Variants in MGAT4C observed in about 807,000 individuals in gnomAD.
The protein encoded by MGAT4C is MGAT4 family member C.
A neutral mutation model predicts 40.1 loss-of-function variants in MGAT4C; 19 were observed. The observed-to-expected ratio is 0.47, with a 90% CI of 0.33 to 0.70. The LOEUF (loss-of-function observed/expected upper bound fraction) is 0.70, where lower values mean the gene tolerates loss of function less well. Ranked by LOEUF, MGAT4C falls within the 30% of genes least tolerant of loss-of-function variation. The pLI, the probability that MGAT4C is intolerant of heterozygous loss-of-function variation, is 0.02. For missense variants in MGAT4C, 491 were observed against 563.2 expected, an observed-to-expected ratio of 0.87 and a Z score of 1.30; for synonymous variants, 181 against 187.1, an observed-to-expected ratio of 0.97 and a Z score of 0.27.
intron 2 of MGAT4C, among the ~76,000 whole-genome samples, chr12:86,493,940 GA>G (rs1020765251): frequency 6.6e-6 from 1 of 151,854 alleles, no homozygotes; most frequent in African/African-American, 2.4e-5. Context: ...AAAATGTTGC[GA>G]TTTTTTTCTC....
intron 1 of MGAT4C, 100 bp from the exon 2 acceptor site, chr12:86,049,823 A>T (rs941257168): frequency 8.6e-6 from 2 of 232,426 alleles, no homozygotes; most frequent in Non-Finnish European, 1.4e-5. Context: ...GCCATTTTCC[A>T]TCTAACTGCA....
At chr12:86,110,970 T>C (rs2135641717) in intron 1 of MGAT4C, among the ~76,000 whole-genome samples, 1 of 151,950 alleles carries the variant, frequency 6.6e-6, no homozygotes, top group East Asian at 1.9e-4. Flanking sequence ...ATGCTAAAGA[T>C]ATTTTTCATG....
chr12:86,153,227 C>T (rs987098027), intron 1 of MGAT4C, among the ~76,000 whole-genome samples: 2 of 152,156 alleles, frequency 1.3e-5, no homozygotes, highest in African/African-American at 2.4e-5. Context: ...TTCTCCTACT[C>T]CTGGAGGAAA....
intron 1 of MGAT4C, among the ~76,000 whole-genome samples, chr12:86,209,232 T>C (rs1950368996): frequency 6.6e-6 from 1 of 152,076 alleles, no homozygotes; most frequent in South Asian, 2.1e-4. Context: ...TGAAGGTAGA[T>C]AGCACTTAAT....
chr12:86,767,228 T>C (rs1019359961), intron 1 of MGAT4C, among the ~76,000 whole-genome samples: 2 of 152,166 alleles, frequency 1.3e-5, no homozygotes, highest in African/African-American at 4.8e-5. Flanking sequence ...CAGAGAATAC[T>C]ACAAACACCT....
chr12:86,138,366 C>T (rs985782333), intron 1 of MGAT4C, among the ~76,000 whole-genome samples: 1 of 150,962 alleles, frequency 6.6e-6, no homozygotes, highest in Non-Finnish European at 1.5e-5. Context: ...ATATACCTAA[C>T]TGCCTCCTCA....
Position 86,775,272 on chromosome 12 carries a change from A to G in MGAT4C, c.-261-48031T>C, listed in dbSNP as rs545100553. 1.2e-4 allele frequency among the ~76,000 whole-genome samples: 18 copies of G among 152,148 alleles called. 1 individual carries two copies. The East Asian group carries it at 3.5e-3, about 29-fold the overall frequency. ...CCTACTGAACATAGTATAAAACTCT[A>G]AAACTTAAGATAAAGCCATGTGGAT... On this transcript the variant is annotated intron_variant, in intron 1 of 7. Transcript: ENST00000548651.
At chr12:86,007,473 C>A (rs897422781) in intron 2 of MGAT4C, among the ~76,000 whole-genome samples, 3 of 151,706 alleles carry the variant, frequency 2.0e-5, no homozygotes, top group Non-Finnish European at 2.9e-5. Context: ...TAAGATTTAC[C>A]AAAAGGTCTA....
At chr12:85,988,890 C>T (rs929247007) in intron 3 of MGAT4C, among the ~76,000 whole-genome samples, 5 of 151,920 alleles carry the variant, frequency 3.3e-5, no homozygotes, top group African/African-American at 1.2e-4. Context: ...AAATATAAAA[C>T]AGAGTGGCCA....
At chr12:86,058,851 T>G (rs1893657698) in intron 1 of MGAT4C, among the ~76,000 whole-genome samples, 1 of 152,162 alleles carries the variant, frequency 6.6e-6, no homozygotes, top group African/African-American at 2.4e-5. Flanking sequence ...TCAAGACATT[T>G]GAAATTCTCC....
chr12:86,232,427 AG>A (rs1263045952), intron 1 of MGAT4C, among the ~76,000 whole-genome samples: 2 of 152,210 alleles, frequency 1.3e-5, no homozygotes, highest in Non-Finnish European at 2.9e-5. Context: ...AAGGAAAAAC[AG>A]TGTAACAGAG....
In MGAT4C at chr12:86,016,890, GCT is replaced by G. The variant is rs1889135462; in HGVS notation, c.-6-27340_-6-27339del. 2.0e-5 allele frequency among the ~76,000 whole-genome samples: 3 copies of G among 151,974 alleles called. No homozygotes were observed. The South Asian group carries it at 6.2e-4, about 32-fold the overall frequency. On this transcript the variant is annotated intron_variant, in intron 2 of 4. Transcript: ENST00000611864. ...CTCTCATTTTAATATCCATGGATTT[GCT>G]CTCTTATCAATTCTCTCATTTTAAA...
In MGAT4C at chr12:86,401,282, A is replaced by G. The variant is rs71438913; in HGVS notation, c.-120+33875T>C. The stretch of plus-strand genomic sequence containing the variant: ...TATATGTGTGTGTGTGTGTGTGTGT[A>G]TGTGGGTGTGTGTGTGTGTGTATAT... On this transcript the variant is annotated intron_variant, in intron 3 of 7. Coordinates refer to the MGAT4C transcript ENST00000548651. Among the ~76,000 whole-genome samples the G allele has an allele frequency of 4.0e-3, 437 of 109,686 alleles. 3 individuals carry two copies. Among genetic ancestry groups the G allele is most frequent in the Non-Finnish European group, 3.9e-3 (192 of 49,842 alleles). 72.0% of individuals were successfully genotyped at this position (109,686 alleles called of 152,430 possible).
intron 2 of MGAT4C, among the ~76,000 whole-genome samples, chr12:86,032,927 G>C (rs1388164110): frequency 6.7e-6 from 1 of 149,776 alleles, no homozygotes; most frequent in Non-Finnish European, 1.5e-5. Context: ...AAATCATCTT[G>C]AGTTGATTTT....
chr12:86,015,598 C>T (rs1308108682), intron 2 of MGAT4C: 1 of 152,248 alleles, frequency 6.6e-6, no homozygotes, highest in Non-Finnish European at 1.5e-5. Context: ...TTGCTTGAGA[C>T]AGAAGCTTTA....
intron 1 of MGAT4C, among the ~76,000 whole-genome samples, chr12:86,735,525 GA>G (rs1361325818): frequency 6.6e-6 from 1 of 151,832 alleles, no homozygotes; most frequent in Admixed American, 6.6e-5. Context: ...TAATCGTGAA[GA>G]ATCTGTGATG....
At chr12:86,439,687 A>G (rs1350279687) in intron 2 of MGAT4C, among the ~76,000 whole-genome samples, 1 of 152,120 alleles carries the variant, frequency 6.6e-6, no homozygotes, top group Non-Finnish European at 1.5e-5. Context: ...AAATGAAGCA[A>G]AAAGTTTTTT....
Position 85,956,433 on chromosome 12 carries a change from A to C in MGAT4C, c.*22856T>G, listed in dbSNP as rs1272215675. 1 of 152,212 alleles carries C rather than the reference A, an allele frequency of 6.6e-6. No individual in the cohort carries two copies. Among genetic ancestry groups the C allele is most frequent in the East Asian group, 1.9e-4 (1 of 5,198 alleles). 9.4% of individuals were successfully genotyped at this position (152,212 alleles called of 1,614,324 possible). A position where few individuals can be genotyped will look rare whatever the true frequency, so the allele number is the denominator to read the frequency against. On this transcript the variant is annotated 3_prime_UTR_variant, in exon 5 of 5. Transcript: ENST00000611864. Reference sequence around the variant, plus strand: ...CTTAGACAATAGAGATAATATATTCATTATGTTTCCATTTTAGTTACCTCA... The same window carrying C: ...CTTAGACAATAGAGATAATATATTCCTTATGTTTCCATTTTAGTTACCTCA...
intron 1 of MGAT4C, among the ~76,000 whole-genome samples, chr12:86,810,853 G>A (rs10858494): frequency 0.51 from 77,734 of 151,800 alleles, 20,545 homozygotes; most frequent in Middle Eastern, 0.63. Flanking sequence ...TACTAGCCTA[G>A]TGAAATGATT....
Sources: gnomAD v4.1 joint callset for allele counts (sites outside exome capture counted in the v4.1 genomes callset) on GRCh38, gnomAD v4.1.1 for gene constraint, MANE v1.5 for transcripts, NCBI Gene and HGNC (gene_info 2026-07-23, HGNC 2026-07-21) for gene names.